Variants in RBMS3 observed in about 807,000 individuals in gnomAD.
The protein encoded by RBMS3 is RNA-binding motif, single-stranded-interacting protein 3.
Under a neutral mutation model 66.8 loss-of-function variants are expected in RBMS3, and 27 were observed. The ratio of observed to expected loss-of-function variants is 0.40; its 90% CI spans 0.30 to 0.56. RBMS3 has a LOEUF of 0.56. Among genes scored for constraint, RBMS3 ranks in the 20% least tolerant of loss-of-function variants. The pLI is 0.40. For synonymous variants in RBMS3, 188 were observed against 183.0 expected (o/e 1.03, Z -0.22); for missense variants, 513 against 549.5 (o/e 0.93, Z 0.66).
intron 3 of RBMS3, among the ~76,000 whole-genome samples, chr3:29,585,175 T>G (rs1235312379): frequency 6.6e-6 from 1 of 152,152 alleles, no homozygotes; most frequent in Non-Finnish European, 1.5e-5. Flanking sequence ...AATAAGCCGA[T>G]GAACGGATGA....
intron 2 of RBMS3, among the ~76,000 whole-genome samples, chr3:29,446,906 C>CTTTTTTTTTTTT: frequency 1.5e-5 from 1 of 68,582 alleles, no homozygotes; most frequent in Non-Finnish European, 2.5e-5. Context: ...ATTAAGCAGT[C>CTTTTTTTTTTTT]TTTTTTTTTT....
At chr3:29,313,132 T>A (rs2034478518) in intron 1 of RBMS3, among the ~76,000 whole-genome samples, 1 of 151,790 alleles carries the variant, frequency 6.6e-6, no homozygotes, top group Middle Eastern at 3.2e-3. Context: ...TTATCTTGCT[T>A]GTTATACACA....
chr3:29,283,761 T>C (rs1466753532), intron 1 of RBMS3, among the ~76,000 whole-genome samples: 3 of 152,160 alleles, frequency 2.0e-5, no homozygotes, highest in Non-Finnish European at 2.9e-5. Context: ...GTAGTTCACA[T>C]TGATTATTAT....
At chr3:29,571,535 A>G (rs188766338) in intron 3 of RBMS3, among the ~76,000 whole-genome samples, 1 of 152,152 alleles carries the variant, frequency 6.6e-6, no homozygotes, top group East Asian at 1.9e-4. Flanking sequence ...GAGATTGTCC[A>G]TTCTTCAATG....
At chr3:29,474,373 A>C (rs1039391356) in intron 2 of RBMS3, among the ~76,000 whole-genome samples, 15 of 152,236 alleles carry the variant, frequency 9.9e-5, no homozygotes, top group African/African-American at 3.6e-4. Context: ...GCTGCTGATG[A>C]ATATTCTTAT....
intron 1 of RBMS3, among the ~76,000 whole-genome samples, chr3:29,411,741 G>A (rs570058521): frequency 1.3e-5 from 2 of 152,206 alleles, no homozygotes; most frequent in Non-Finnish European, 2.9e-5. Flanking sequence ...CTCTACTAAA[G>A]TTGGTAGCTA....
In RBMS3 at chr3:29,991,171, C is replaced by T; in HGVS notation, c.1269C>T (p.Ser423=). 1 of 1,614,128 alleles carries T rather than the reference C, an allele frequency of 6.2e-7. No homozygotes were observed. The highest frequency in any genetic ancestry group is 1.7e-5 in the Admixed American group (1 of 60,016). The change falls in exon 14 of 15, where the codon TCC becomes TCT. Residue 423 remains serine, a synonymous_variant. Transcript: ENST00000383767. Reference sequence around the variant, plus strand: ...AGCAACAGATAGCAGTGGACACATCCAACGAACATGCACCTGCATATTCTT... The same window carrying T: ...AGCAACAGATAGCAGTGGACACATCTAACGAACATGCACCTGCATATTCTT... ...GQQQQIAVDT[S]NEHAPAYSYQ... is the part of the protein sequence containing the mutation.
chr3:29,989,437 C>T (rs1011342680), intron 13 of RBMS3, among the ~76,000 whole-genome samples: 1 of 152,176 alleles, frequency 6.6e-6, no homozygotes, highest in Non-Finnish European at 1.5e-5. Context: ...TCCTTCTCAG[C>T]AGCTGGGAAT....
At chr3:29,469,246 T>A (rs1308979862) in intron 2 of RBMS3, among the ~76,000 whole-genome samples, 1 of 152,140 alleles carries the variant, frequency 6.6e-6, no homozygotes, top group Non-Finnish European at 1.5e-5. Context: ...TTCTGCATCA[T>A]TAAACATTGG....
At chr3:29,856,462 A>G (rs2059079615) in intron 6 of RBMS3, among the ~76,000 whole-genome samples, 1 of 152,308 alleles carries the variant, frequency 6.6e-6, no homozygotes, top group Non-Finnish European at 1.5e-5. Flanking sequence ...CATTTAGATC[A>G]TGACATTGGA....
chr3:29,700,375 T>C (rs1031185317), intron 4 of RBMS3, among the ~76,000 whole-genome samples: 5 of 152,218 alleles, frequency 3.3e-5, no homozygotes, highest in Admixed American at 6.5e-5. Context: ...GTCTGAATCC[T>C]TTCCATTGAG....
intron 1 of RBMS3, among the ~76,000 whole-genome samples, chr3:29,409,048 A>G (rs1559556166): frequency 6.6e-6 from 1 of 152,248 alleles, no homozygotes; most frequent in Non-Finnish European, 1.5e-5. Flanking sequence ...CTCGTAATAT[A>G]GATGAGAAAA....
intron 3 of RBMS3, among the ~76,000 whole-genome samples, chr3:29,490,000 G>A (rs140620005): frequency 0.041 from 5,528 of 135,678 alleles, 288 homozygotes; most frequent in African/African-American, 0.13. Flanking sequence ...CCGAGATTGC[G>A]TCATTGCACT....
chr3:29,860,316 C>T (rs2059182054), intron 6 of RBMS3, among the ~76,000 whole-genome samples: 1 of 152,162 alleles, frequency 6.6e-6, no homozygotes, highest in African/African-American at 2.4e-5. Context: ...AGCATTGCAT[C>T]CACTTTCCTA....
At chr3:29,348,180 A>G (rs141212662) in intron 1 of RBMS3, among the ~76,000 whole-genome samples, 21 of 152,252 alleles carry the variant, frequency 1.4e-4, no homozygotes, top group African/African-American at 5.1e-4. Context: ...GGGTCTCTTT[A>G]TCAATAAAGT....
chr3:29,355,385 T>C (rs1405686356), intron 1 of RBMS3, among the ~76,000 whole-genome samples: 1 of 152,150 alleles, frequency 6.6e-6, no homozygotes, highest in African/African-American at 2.4e-5. Context: ...AACAACACCA[T>C]ATTTTTCTAA....
intron 4 of RBMS3, chr3:29,614,635 G>A (rs2048600494): frequency 6.6e-6 from 1 of 152,092 alleles, no homozygotes; most frequent in African/African-American, 2.4e-5. Flanking sequence ...GGGAACAACT[G>A]GTTGAAAACT....
At chr3:29,289,969 T>G (rs2032686350) in intron 1 of RBMS3, among the ~76,000 whole-genome samples, 1 of 151,868 alleles carries the variant, frequency 6.6e-6, no homozygotes, top group African/African-American at 2.4e-5. Flanking sequence ...GCTTATTGTT[T>G]TTTAATCCTG....
At chr3:29,359,831 C>A (rs1367187222) in intron 1 of RBMS3, among the ~76,000 whole-genome samples, 1 of 152,106 alleles carries the variant, frequency 6.6e-6, no homozygotes, top group Non-Finnish European at 1.5e-5. Flanking sequence ...AGTTTATTTG[C>A]GTAGAGGTGT....
Sources: allele counts gnomAD v4.1 joint callset (sites outside exome capture counted in the v4.1 genomes callset), GRCh38; gene constraint gnomAD v4.1.1; transcripts MANE v1.5; gene names NCBI Gene and HGNC (gene_info 2026-07-23, HGNC 2026-07-21).